Variants in TENM2 observed in about 807,000 individuals in gnomAD.
The protein encoded by TENM2 is teneurin-2.
Under a neutral mutation model 245.2 loss-of-function variants are expected in TENM2, and 52 were observed. The ratio of observed to expected loss-of-function variants is 0.21; its 90% confidence interval spans 0.17 to 0.27. The LOEUF is 0.27. Among genes scored for constraint, TENM2 ranks in the 10% least tolerant of loss-of-function variants. The pLI is 1.00. For synonymous variants in TENM2, 1,363 were observed against 1,438.9 expected (o/e 0.95, Z 1.19); for missense variants, 3,046 against 3,666.8 (o/e 0.83, Z 4.37).
chr5:167,179,601 C>T, the TENM2 span, among the ~76,000 whole-genome samples: 20 of 152,236 alleles, frequency 1.3e-4, no homozygotes, highest in African/African-American at 3.6e-4. Flanking sequence ...CCCGGCTCCC[C>T]GCTGAATTTC....
intron 1 of TENM2, among the ~76,000 whole-genome samples, chr5:167,349,785 A>G (rs1254820039): frequency 6.6e-6 from 1 of 151,956 alleles, no homozygotes; most frequent in South Asian, 2.1e-4. Context: ...GGTAAGAGTT[A>G]TTTTCTTTCA....
intron 2 of TENM2, among the ~76,000 whole-genome samples, chr5:167,431,868 CATT>C (rs1325975700): frequency 2.8e-5 from 4 of 143,550 alleles, no homozygotes; most frequent in African/African-American, 1.1e-4. Context: ...CAGTGAGAAT[CATT>C]ATGAATTTAT....
At chr5:166,991,644 C>G in the TENM2 span, among the ~76,000 whole-genome samples, 1 of 152,108 alleles carries the variant, frequency 6.6e-6, no homozygotes, top group Non-Finnish European at 1.5e-5. Flanking sequence ...TGGATAATTG[C>G]TCTTTGTATA....
At chr5:167,010,431 A>G in the TENM2 span, among the ~76,000 whole-genome samples, 1 of 152,056 alleles carries the variant, frequency 6.6e-6, no homozygotes, top group Non-Finnish European at 1.5e-5. Context: ...AGGAAGTCAA[A>G]CCCTCTGCCC....
the TENM2 span, among the ~76,000 whole-genome samples, chr5:167,006,785 G>A: frequency 6.6e-6 from 1 of 152,070 alleles, no homozygotes; most frequent in South Asian, 2.1e-4. Flanking sequence ...TCCTGCCTCA[G>A]CCTCCCAAGT....
intron 1 of TENM2, among the ~76,000 whole-genome samples, chr5:167,365,719 A>G (rs184602290): frequency 2.0e-5 from 3 of 152,132 alleles, no homozygotes; most frequent in African/African-American, 4.8e-5. Context: ...TGTTCAATCC[A>G]TCAGAAAGCT....
chr5:167,732,120 T>C (rs1019399806), intron 2 of TENM2, among the ~76,000 whole-genome samples: 4 of 152,218 alleles, frequency 2.6e-5, no homozygotes, highest in African/African-American at 9.6e-5. Context: ...GCTTTGGAAC[T>C]GAGCTCTGAA....
intron 2 of TENM2, among the ~76,000 whole-genome samples, chr5:167,592,879 T>A (rs746947889): frequency 2.6e-5 from 4 of 152,194 alleles, no homozygotes; most frequent in Non-Finnish European, 4.4e-5. Flanking sequence ...GTGATTCCAA[T>A]ATAGATTCCA....
intron 2 of TENM2, among the ~76,000 whole-genome samples, chr5:167,656,947 T>G (rs1446471996): frequency 6.6e-6 from 1 of 151,836 alleles, no homozygotes; most frequent in Non-Finnish European, 1.5e-5. Context: ...ATTTATCTTT[T>G]TTTTTTTTTT....
intron 3 of TENM2, among the ~76,000 whole-genome samples, chr5:167,887,479 G>A (rs1325336198): frequency 6.6e-6 from 1 of 152,202 alleles, no homozygotes; most frequent in Non-Finnish European, 1.5e-5. Context: ...TTTTAGATCT[G>A]AGACCATCTG....
At chr5:167,246,556 C>T in the TENM2 span, among the ~76,000 whole-genome samples, 2 of 151,754 alleles carry the variant, frequency 1.3e-5, no homozygotes, top group African/African-American at 2.4e-5. Flanking sequence ...ATCTAAATGT[C>T]TGTATATTTA....
At chr5:167,989,621 C>T (rs539234098) in intron 4 of TENM2, among the ~76,000 whole-genome samples, 2 of 152,138 alleles carry the variant, frequency 1.3e-5, no homozygotes, top group East Asian at 1.9e-4. Context: ...AGGATAACCA[C>T]GGATTTGCAA....
At chr5:167,359,272 A>G (rs1414762965) in intron 1 of TENM2, among the ~76,000 whole-genome samples, 1 of 152,146 alleles carries the variant, frequency 6.6e-6, no homozygotes, top group African/African-American at 2.4e-5. Context: ...GTCTTCTCTT[A>G]AGGTTGTAAC....
the TENM2 span, among the ~76,000 whole-genome samples, chr5:166,999,904 G>A: frequency 1.3e-5 from 2 of 152,060 alleles, no homozygotes; most frequent in African/African-American, 4.8e-5. Context: ...AGCTGGAGAT[G>A]GAACACTGGA....
At chr5:167,396,044 A>G (rs1762031860) in intron 2 of TENM2, among the ~76,000 whole-genome samples, 1 of 152,144 alleles carries the variant, frequency 6.6e-6, no homozygotes, top group Non-Finnish European at 1.5e-5. Context: ...ACTATAGAAA[A>G]AAATATGGAG....
chr5:167,845,589 A>G (rs887709017), intron 2 of TENM2, among the ~76,000 whole-genome samples: 1 of 152,116 alleles, frequency 6.6e-6, no homozygotes, highest in African/African-American at 2.4e-5. Context: ...CAGCTGGCAT[A>G]TGGAATAAAA....
At chr5:167,464,222 G>A (rs1247836805) in intron 2 of TENM2, among the ~76,000 whole-genome samples, 1 of 152,170 alleles carries the variant, frequency 6.6e-6, no homozygotes, top group Non-Finnish European at 1.5e-5. Flanking sequence ...AAAAGTTTAT[G>A]TGAGCTGAAG....
chr5:168,238,977 G>A (rs760804880), intron 25 of TENM2, among the ~76,000 whole-genome samples: 4 of 152,088 alleles, frequency 2.6e-5, no homozygotes, highest in East Asian at 3.9e-4. Context: ...TGTTGATCCC[G>A]GCAGTGAAAA....
chr5:167,698,826 G>A (rs1367436033), intron 2 of TENM2, among the ~76,000 whole-genome samples: 5 of 151,702 alleles, frequency 3.3e-5, no homozygotes, highest in Non-Finnish European at 7.4e-5. Flanking sequence ...TGGGACTACA[G>A]GTGCCCGCCA....
Sources: gnomAD v4.1 joint callset for allele counts (sites outside exome capture counted in the v4.1 genomes callset) on GRCh38, gnomAD v4.1.1 for gene constraint, MANE v1.5 for transcripts, NCBI Gene and HGNC (gene_info 2026-07-23, HGNC 2026-07-21) for gene names.